Variants in GSS observed in about 807,000 individuals in gnomAD.
The protein encoded by GSS is glutathione synthetase.
Under a neutral mutation model 60.4 loss-of-function variants are expected in GSS, and 34 were observed. The observed-to-expected ratio is 0.56, with a 90% confidence interval of 0.43 to 0.75. The LOEUF (loss-of-function observed/expected upper bound fraction) is 0.75. Ranked by LOEUF, GSS falls within the 30% of genes least tolerant of loss-of-function variation. GSS has a pLI of 0.00. For synonymous variants in GSS, 224 were observed against 239.0 expected (o/e 0.94, Z 0.58); for missense variants, 499 against 595.1 (o/e 0.84, Z 1.68).
At chr20:34,932,163 G>T in intron 9 of GSS, 30 bp from the exon 10 acceptor site, 1 of 1,572,454 alleles carries the variant, frequency 6.4e-7, no homozygotes, top group Non-Finnish European at 8.8e-7. Flanking sequence ...AAAGGAATTC[G>T]ACTTTATTTT....
chr20:34,929,319 C>G, intron 12 of GSS, 82 bp downstream of exon 12: 1 of 1,152,332 alleles, frequency 8.7e-7, no homozygotes, highest in East Asian at 2.3e-5. Context: ...CTGACTCTTT[C>G]CAGTGTTCCC....
At chr20:34,955,454 C>A (rs1003762414) in intron 1 of GSS, 2 of 152,244 alleles carry the variant, frequency 1.3e-5, no homozygotes, top group Non-Finnish European at 2.9e-5. Flanking sequence ...TGGCCCTAAT[C>A]GCTCCCCGTT....
intron 2 of GSS, chr20:34,950,029 A>ACACACACACACACACG (rs1445920483): frequency 8.6e-5 from 13 of 151,602 alleles, no homozygotes; most frequent in African/African-American, 2.7e-4. Flanking sequence ...ACACACACAC[A>ACACACACACACACACG]CACACATACA....
chr20:34,942,928 T>A lies in GSS; in HGVS notation c.351+3A>T. On this transcript the variant is annotated splice_donor_region_variant and intron_variant, in intron 4 of 12. Coordinates refer to ENST00000651619, the MANE Select transcript of GSS (RefSeq NM_000178.4). ...AGACTGGAGTAGGGCTGGGAATGGTTACCTGGGCAATGCCCTCTTTTAGGA... is the reference window on the plus strand; with the variant it reads ...AGACTGGAGTAGGGCTGGGAATGGTAACCTGGGCAATGCCCTCTTTTAGGA... The A allele has an allele frequency of 6.3e-7, 1 of 1,589,074 alleles. No homozygotes were observed. Among genetic ancestry groups the A allele is most frequent in the Non-Finnish European group, 8.6e-7 (1 of 1,158,744 alleles).
intron 2 of GSS, among the ~76,000 whole-genome samples, chr20:34,948,119 G>A (rs559354665): frequency 6.6e-6 from 1 of 152,082 alleles, no homozygotes; most frequent in South Asian, 2.1e-4. Flanking sequence ...CCACTGCCCT[G>A]GCCTCAGCAT....
At position 34,928,448 on chromosome 20, in the gene GSS, G is replaced by A; in HGVS notation, c.*380C>T. On this transcript the variant is annotated 3_prime_UTR_variant, in exon 13 of 13. Coordinates refer to ENST00000651619, the MANE Select transcript of GSS (RefSeq NM_000178.4). ...GAATCATCACTGAATCAGCAATGCA[G>A]TTTTATTTAAGGCAGAATTAGGGAA... 2.9e-6 allele frequency: 1 copy of A among 341,646 alleles called. No individual in the cohort carries two copies. The highest frequency in any genetic ancestry group is 5.7e-6 in the Non-Finnish European group (1 of 176,414). The allele number at this position is 341,646 out of a possible 1,614,324, so 21.2% of individuals were successfully genotyped here.
chr20:34,952,089 C>G, intron 1 of GSS: 1 of 578,700 alleles, frequency 1.7e-6, no homozygotes. Flanking sequence ...CTTTTGATTC[C>G]CAACACAATG....
intron 6 of GSS, among the ~76,000 whole-genome samples, chr20:34,938,116 C>T (rs2081454947): frequency 6.6e-6 from 1 of 152,172 alleles, no homozygotes; most frequent in Non-Finnish European, 1.5e-5. Context: ...CCTCGGCCTC[C>T]CAAAGTGTTA....
chr20:34,932,996 CCACCA>C (rs2081414215), intron 9 of GSS, among the ~76,000 whole-genome samples: 1 of 152,198 alleles, frequency 6.6e-6, no homozygotes, highest in East Asian at 1.9e-4. Context: ...CAGGTGCACG[CCACCA>C]CACCCAGCTA....
At chr20:34,929,298 G>T in intron 12 of GSS, 103 bp downstream of exon 12, 1 of 1,006,976 alleles carries the variant, frequency 9.9e-7, no homozygotes, top group Non-Finnish European at 1.6e-6. Context: ...TGGCACCGAA[G>T]CCCAGGATTC....
chr20:34,944,430 T>A (rs1000313495), intron 3 of GSS, among the ~76,000 whole-genome samples: 2 of 152,204 alleles, frequency 1.3e-5, no homozygotes, highest in African/African-American at 4.8e-5. Context: ...GGCAGATTCA[T>A]ACATTCATGA....
Position 34,928,563 on chromosome 20 carries a change from T to C in GSS, c.*265A>G, listed in dbSNP as rs1366509168. 1.1e-5 allele frequency: 6 copies of C among 545,704 alleles called. 1 individual carries two copies. In the East Asian group the frequency reaches 2.0e-4, roughly 18 times the overall value. The allele number at this position is 545,704 out of a possible 1,614,324, so 33.8% of individuals were successfully genotyped here. On this transcript the variant is annotated 3_prime_UTR_variant, in exon 13 of 13. Coordinates refer to ENST00000651619, the MANE Select transcript of GSS (RefSeq NM_000178.4). Reference sequence around the variant, plus strand: ...CCTGCTGAAAAGGCTGATGAGGGGCTGACAGGAGTGGGGCAGGGTTCATGG... The same window carrying C: ...CCTGCTGAAAAGGCTGATGAGGGGCCGACAGGAGTGGGGCAGGGTTCATGG...
intron 9 of GSS, among the ~76,000 whole-genome samples, chr20:34,934,868 C>T (rs1182557483): frequency 6.6e-6 from 1 of 152,186 alleles, no homozygotes; most frequent in Non-Finnish European, 1.5e-5. Context: ...AGCTCACTGC[C>T]CATGGTATTT....
At chr20:34,934,287 T>C (rs2081424118) in intron 9 of GSS, 1 of 151,784 alleles carries the variant, frequency 6.6e-6, no homozygotes, top group African/African-American at 2.4e-5. Context: ...TTTCTTTTTT[T>C]TTTTTTTGAG....
At chr20:34,950,046 C>CACACATACACACACAT (rs2081556266) in intron 2 of GSS, 1 of 151,104 alleles carries the variant, frequency 6.6e-6, no homozygotes, top group Non-Finnish European at 1.5e-5. Flanking sequence ...TACACACACA[C>CACACATACACACACAT]GTACACTTTC....
intron 5 of GSS, 137 bp downstream of exon 5, chr20:34,942,351 G>A (rs912780667): frequency 1.2e-5 from 9 of 749,248 alleles, no homozygotes; most frequent in East Asian, 5.0e-5. Flanking sequence ...AACTGCTGTC[G>A]GGGTGGCCAG....
Position 34,931,884 on chromosome 20 carries a change from G to A in GSS, c.1029+55C>T, listed in dbSNP as rs1273176985. 3.3e-6 allele frequency: 5 copies of A among 1,498,234 alleles called. No individual in the cohort carries two copies. In the African/African-American group the frequency reaches 5.5e-5, roughly 16 times the overall value. 92.8% of individuals were successfully genotyped at this position (1,498,234 alleles called of 1,614,324 possible). A position where few individuals can be genotyped will look rare whatever the true frequency, so the allele number is the denominator to read the frequency against. ...TCCACCCTCCCCAACACATTGGGCT[G>A]TAGGTCTCTGCCACCTAGGAGGCCT... is the stretch of plus-strand genomic sequence containing the variant. On this transcript the variant is annotated intron_variant, in intron 10 of 12. Coordinates refer to ENST00000651619, the MANE Select transcript of GSS (RefSeq NM_000178.4).
At chr20:34,948,324 G>T (rs1048430379) in intron 2 of GSS, among the ~76,000 whole-genome samples, 1 of 152,034 alleles carries the variant, frequency 6.6e-6, no homozygotes, top group Admixed American at 6.6e-5. Context: ...TCTCATCTTG[G>T]CCTCAAAAAC....
intron 10 of GSS, 58 bp downstream of exon 10, chr20:34,931,881 G>A (rs1479370619): frequency 6.8e-7 from 1 of 1,476,064 alleles, no homozygotes; most frequent in Non-Finnish European, 9.5e-7. Context: ...AACACATTGG[G>A]CTGTAGGTCT....
Sources: gnomAD v4.1 joint callset for allele counts (sites outside exome capture counted in the v4.1 genomes callset) on GRCh38, gnomAD v4.1.1 for gene constraint, MANE v1.5 for transcripts, NCBI Gene and HGNC (gene_info 2026-07-23, HGNC 2026-07-21) for gene names.